Variants in LAYN observed in about 807,000 individuals in gnomAD.
LAYN encodes the protein layilin.
A neutral mutation model predicts 43.6 loss-of-function variants in LAYN; 38 were observed. That is an observed-to-expected ratio of 0.87 (90% CI 0.67 to 1.14). LAYN has a LOEUF of 1.14. LAYN is among the 50% of genes most tolerant of loss of function. The pLI is 0.00. For synonymous variants in LAYN, 168 were observed against 172.9 expected, an observed-to-expected ratio of 0.97 and a Z score of 0.22; for missense variants, 479 against 463.8, an observed-to-expected ratio of 1.03 and a Z score of -0.30.
chr11:111,555,206 G>A lies in LAYN; in HGVS notation c.575-1G>A. On this transcript the variant is annotated splice_acceptor_variant, in intron 4 of 6. Transcript: ENST00000375614. LOFTEE classifies it high-confidence loss of function. The stretch of plus-strand genomic sequence containing the variant: ...TCACAAGTCCATGTGTCTCTCTCCA[G>A]GTGAGGAAACAGAGCTGACAACACC... The A allele has an allele frequency of 6.2e-7, 1 of 1,611,278 alleles. No homozygotes were observed. Among genetic ancestry groups the A allele is most frequent in the Non-Finnish European group, 8.5e-7 (1 of 1,177,616 alleles).
At chr11:111,543,399 C>G (rs1309356438) in intron 1 of LAYN, among the ~76,000 whole-genome samples, 1 of 152,156 alleles carries the variant, frequency 6.6e-6, no homozygotes, top group African/African-American at 2.4e-5. Context: ...TAGCAGAAAA[C>G]CCCGTGGATC....
chr11:111,558,783 A>AAAT (rs386374901), intron 6 of LAYN, among the ~76,000 whole-genome samples: 96 of 143,132 alleles, frequency 6.7e-4, no homozygotes, highest in African/African-American at 1.4e-3. Flanking sequence ...TATTTAAAAA[A>AAAT]ATATATATAT....
chr11:111,560,041 G>A, intron 6 of LAYN, 54 bp from the exon 7 acceptor site: 1 of 1,539,158 alleles, frequency 6.5e-7, no homozygotes, highest in Middle Eastern at 1.9e-4. Context: ...AAGCACAAGG[G>A]TATTCTCAAT....
intron 3 of LAYN, among the ~76,000 whole-genome samples, chr11:111,551,577 C>CT (rs772388539): frequency 6.6e-6 from 1 of 152,206 alleles, no homozygotes; most frequent in Non-Finnish European, 1.5e-5. Flanking sequence ...ATTCTCACCA[C>CT]TTTAACTCCT....
intron 2 of LAYN, among the ~76,000 whole-genome samples, chr11:111,544,598 A>C (rs1867615571): frequency 6.6e-6 from 1 of 152,182 alleles, no homozygotes; most frequent in South Asian, 2.1e-4. Context: ...ATAATGGGCA[A>C]GAAATCAGAG....
chr11:111,541,579 A>C (rs966000742), intron 1 of LAYN: 1 of 1,536,056 alleles, frequency 6.5e-7, no homozygotes, highest in African/African-American at 1.4e-5. Context: ...TTTGGACCTC[A>C]GAGGAGGTAA....
intron 6 of LAYN, among the ~76,000 whole-genome samples, chr11:111,559,688 G>C (rs546049939): frequency 8.8e-4 from 134 of 151,976 alleles, no homozygotes; most frequent in African/African-American, 3.0e-3. Flanking sequence ...CAAACTCCTG[G>C]GCTCAAGTGA....
At chr11:111,547,256 G>A (rs1867664539) in intron 2 of LAYN, among the ~76,000 whole-genome samples, 1 of 152,162 alleles carries the variant, frequency 6.6e-6, no homozygotes, top group Non-Finnish European at 1.5e-5. Flanking sequence ...ACATTTTATT[G>A]AAGTGGTAGG....
chr11:111,550,691 C>G (rs1261670796), intron 3 of LAYN, among the ~76,000 whole-genome samples: 1 of 152,218 alleles, frequency 6.6e-6, no homozygotes, highest in African/African-American at 2.4e-5. Context: ...CCCCACCATA[C>G]AGCGTTGTCT....
intron 2 of LAYN, among the ~76,000 whole-genome samples, chr11:111,548,603 G>A (rs1384783265): frequency 6.6e-6 from 1 of 152,196 alleles, no homozygotes; most frequent in Non-Finnish European, 1.5e-5. Context: ...GTGCAGCAAA[G>A]GATGTTCCTT....
At chr11:111,557,753 A>C in intron 6 of LAYN, 110 bp downstream of exon 6, 9 of 877,978 alleles carry the variant, frequency 1.0e-5, no homozygotes, top group Non-Finnish European at 1.5e-5. Context: ...GAGTATCACC[A>C]TTGCAGATTG....
chr11:111,558,881 G>A (rs1281823298), intron 6 of LAYN, among the ~76,000 whole-genome samples: 7 of 151,392 alleles, frequency 4.6e-5, no homozygotes, highest in South Asian at 2.1e-4. Flanking sequence ...TCCGCCTCCC[G>A]GGTTCAAGTG....
At chr11:111,551,239 A>G (rs949922284) in intron 3 of LAYN, 7 of 428,418 alleles carry the variant, frequency 1.6e-5, no homozygotes, top group South Asian at 1.0e-4. Flanking sequence ...CTATCAAACC[A>G]TGCTGACGTG....
In LAYN at chr11:111,555,282, A is replaced by G; in HGVS notation, c.650A>G (p.Glu217Gly). 1 of 1,610,938 alleles carries G rather than the reference A, an allele frequency of 6.2e-7. No homozygotes were observed. The change falls in exon 5 of 7, where the codon GAA becomes GGA. Residue 217 changes from glutamate to glycine, a missense_variant. Transcript: ENST00000375614. ...GAAGATGCCAAAAAAACATTTAAAGAAAGTAGAGGTATCTACAAAACTCTC... is the reference window on the plus strand; with the variant it reads ...GAAGATGCCAAAAAAACATTTAAAGGAAGTAGAGGTATCTACAAAACTCTC... ...QEEDAKKTFK[E>G]SREAALNLAY...
chr11:111,541,677 C>T, intron 1 of LAYN: 3 of 1,207,882 alleles, frequency 2.5e-6, no homozygotes, highest in Non-Finnish European at 2.4e-6. Context: ...TTTGCGGGTG[C>T]CAACAGCTTG....
intron 2 of LAYN, among the ~76,000 whole-genome samples, chr11:111,548,713 G>C (rs141899538): frequency 6.2e-4 from 94 of 152,340 alleles, no homozygotes; most frequent in Middle Eastern, 3.4e-3. Flanking sequence ...TCTGACAAGA[G>C]CTAAGCAGAG....
At chr11:111,542,360 G>A (rs1384769683) in intron 1 of LAYN, among the ~76,000 whole-genome samples, 3 of 152,232 alleles carry the variant, frequency 2.0e-5, no homozygotes, top group Admixed American at 1.3e-4. Context: ...GACAGGAAAA[G>A]GGAGAAGATG....
At position 111,560,617 on chromosome 11, in the gene LAYN, G is replaced by GT; in HGVS notation, c.*163dup. 1 of 782,904 alleles carries GT rather than the reference G, an allele frequency of 1.3e-6. No individual in the cohort carries two copies. Among genetic ancestry groups the GT allele is most frequent in the Non-Finnish European group, 2.0e-6 (1 of 503,472 alleles). The allele number at this position is 782,904 out of a possible 1,614,324, so 48.5% of individuals were successfully genotyped here. The stretch of plus-strand genomic sequence containing the variant: ...CCACGACCTCCTGTTGGACCCCCAC[G>GT]TTTTGGCTGTATCCTTTATCCCAGC... On this transcript the variant is annotated 3_prime_UTR_variant, in exon 7 of 7. Coordinates refer to ENST00000375614, the MANE Select transcript of LAYN (RefSeq NM_178834.5).
intron 3 of LAYN, among the ~76,000 whole-genome samples, chr11:111,551,596 C>T (rs1353717840): frequency 6.6e-6 from 1 of 152,194 alleles, no homozygotes; most frequent in Non-Finnish European, 1.5e-5. Context: ...CTCTCCTCAT[C>T]CTATTCCAAC....
Sources: allele counts gnomAD v4.1 joint callset (sites outside exome capture counted in the v4.1 genomes callset), GRCh38; gene constraint gnomAD v4.1.1; transcripts MANE v1.5; gene names NCBI Gene and HGNC (gene_info 2026-07-23, HGNC 2026-07-21).